Variants in MYH14 observed in about 807,000 individuals in gnomAD.
MYH14 encodes myosin-14.
A neutral mutation model predicts 255.5 loss-of-function variants in MYH14; 123 were observed. The ratio of observed to expected loss-of-function variants is 0.48; its 90% CI spans 0.42 to 0.56. The LOEUF is 0.56. Ranked by LOEUF, MYH14 falls within the 20% of genes least tolerant of loss-of-function variation. MYH14 has a pLI of 0.00. For synonymous variants in MYH14, 1,095 were observed against 1,161.2 expected, an observed-to-expected ratio of 0.94 and a Z score of 1.16; for missense variants, 2,423 against 2,802.3, an observed-to-expected ratio of 0.86 and a Z score of 3.06.
intron 8 of MYH14, among the ~76,000 whole-genome samples, chr19:50,229,205 G>T (rs1289296529): frequency 6.6e-6 from 1 of 152,132 alleles, no homozygotes; most frequent in South Asian, 2.1e-4. Flanking sequence ...AACCAAGCAG[G>T]TTACACCCCA....
chr19:50,260,792 CAT>C (rs2034806737), intron 20 of MYH14, 77 bp downstream of exon 20: 1 of 1,125,824 alleles, frequency 8.9e-7, no homozygotes, highest in Non-Finnish European at 1.3e-6. Context: ...TGTGTGTGTG[CAT>C]GCATATGTGT....
chr19:50,241,399 C>T (rs2033885878), intron 10 of MYH14, among the ~76,000 whole-genome samples: 1 of 152,016 alleles, frequency 6.6e-6, no homozygotes, highest in Non-Finnish European at 1.5e-5. Flanking sequence ...TGTGCCACTG[C>T]ACTCCAGCCT....
At chr19:50,251,461 A>G (rs1299868628) in intron 15 of MYH14, among the ~76,000 whole-genome samples, 1 of 150,064 alleles carries the variant, frequency 6.7e-6, no homozygotes, top group Non-Finnish European at 1.5e-5. Context: ...CTATTCCTAT[A>G]TATATATACA....
At chr19:50,281,948 A>G in intron 33 of MYH14, 106 bp downstream of exon 33, 3 of 1,239,684 alleles carry the variant, frequency 2.4e-6, no homozygotes, top group Non-Finnish European at 3.4e-6. Flanking sequence ...TCAACTAGGC[A>G]GTTGTAGTGG....
intron 27 of MYH14, 80 bp from the exon 28 acceptor site, chr19:50,275,911 T>C (rs1601002507): frequency 8.6e-7 from 1 of 1,161,102 alleles, no homozygotes; most frequent in East Asian, 2.5e-5. Context: ...AAAGCCCACA[T>C]CCAGCCTCTC....
intron 10 of MYH14, among the ~76,000 whole-genome samples, chr19:50,241,109 G>A (rs2033874006): frequency 1.3e-5 from 2 of 152,272 alleles, no homozygotes; most frequent in East Asian, 3.9e-4. Flanking sequence ...CCAGGCGGCT[G>A]AGGGGTTGCA....
chr19:50,284,299 A>C (rs978816640), intron 33 of MYH14, among the ~76,000 whole-genome samples: 1 of 152,026 alleles, frequency 6.6e-6, no homozygotes, highest in Non-Finnish European at 1.5e-5. Context: ...TGTATATAAG[A>C]AATTTTTGCC....
At chr19:50,229,303 G>A (rs575183086) in intron 8 of MYH14, among the ~76,000 whole-genome samples, 32 of 152,234 alleles carry the variant, frequency 2.1e-4, no homozygotes, top group Middle Eastern at 3.4e-3. Flanking sequence ...GTGCATGAGG[G>A]ACACAGAGGG....
intron 1 of MYH14, among the ~76,000 whole-genome samples, chr19:50,206,265 G>A (rs913184234): frequency 6.6e-6 from 1 of 151,964 alleles, no homozygotes; most frequent in Non-Finnish European, 1.5e-5. Context: ...GAGGCTGGGA[G>A]CTCGGACTCC....
Position 50,278,069 on chromosome 19 carries a change from C to G in MYH14, c.3826-14C>G. The stretch of plus-strand genomic sequence containing the variant: ...AGGCCTCATAGATCTTTGCTCATCT[C>G]CTTCCCACACCAGGGCAAAGGTGCA... On this transcript the variant is annotated splice_polypyrimidine_tract_variant and intron_variant, in intron 29 of 42. Coordinates refer to ENST00000642316, the MANE Select transcript of MYH14 (RefSeq NM_001145809.2). 2.6e-6 allele frequency: 4 copies of G among 1,533,916 alleles called. No homozygotes were observed. Among genetic ancestry groups the G allele is most frequent in the South Asian group, 2.5e-5 (2 of 78,842 alleles).
At chr19:50,304,256 TC>T (rs1433999243) in intron 40 of MYH14, among the ~76,000 whole-genome samples, 1 of 152,226 alleles carries the variant, frequency 6.6e-6, no homozygotes, top group Non-Finnish European at 1.5e-5. Context: ...TATATAAGGT[TC>T]CCTTTTGTAT....
At chr19:50,286,817 G>A (rs1003835482) in intron 34 of MYH14, 123 bp downstream of exon 34, 5 of 978,228 alleles carry the variant, frequency 5.1e-6, no homozygotes, top group Non-Finnish European at 7.6e-6. Flanking sequence ...CATGCACAAA[G>A]AGAACAAGAG....
At chr19:50,301,213 T>C (rs1217393652) in intron 39 of MYH14, among the ~76,000 whole-genome samples, 2 of 152,232 alleles carry the variant, frequency 1.3e-5, no homozygotes, top group African/African-American at 4.8e-5. Context: ...ATGCCCGTTA[T>C]AAGTGCAGAT....
At chr19:50,243,091 T>C (rs2033952305) in intron 10 of MYH14, among the ~76,000 whole-genome samples, 1 of 152,128 alleles carries the variant, frequency 6.6e-6, no homozygotes, top group African/African-American at 2.4e-5. Flanking sequence ...TCTGTGCGAA[T>C]GAGTCAGTAG....
rs113993956 is a variant in MYH14, at chr19:50,268,255, G to A, written c.2921G>A (p.Arg974His). 1.1e-4 allele frequency: 172 copies of A among 1,571,088 alleles called. No individual in the cohort carries two copies. The Admixed American group carries it at 2.5e-3, about 23-fold the overall frequency. Residue 974 changes from arginine to histidine, a missense_variant, in exon 24 of 43, where the codon CGC becomes CAC. This residue lies in a region of MYH14 where 1,513 missense variants were observed against 1,674.8 expected (regional missense o/e 0.90). Transcript: ENST00000642316. ...AEETRGRLAA[R>H]KQELELVVSE... ...GAGACGCGGGGGAGGCTGGCAGCCC[G>A]CAAGCAGGAGCTGGAGCTGGTGGTG...
chr19:50,280,169 C>T lies in MYH14; in HGVS notation c.4137+28C>T, dbSNP rs748101837. ...GACCCTGCCTGCCCTTCGGCTCCAC[C>T]GTCACCCTCCCCTCCTTGTCCTCCC... On this transcript the variant is annotated intron_variant, in intron 31 of 42. Coordinates refer to ENST00000642316, the MANE Select transcript of MYH14 (RefSeq NM_001145809.2). This position sits in a 1 kb window ranked among gnomAD's most constrained non-coding sequence, Gnocchi z 4.8. 25 of 1,566,636 alleles carry T rather than the reference C, an allele frequency of 1.6e-5. No individual in the cohort carries two copies. Among genetic ancestry groups the T allele is most frequent in the East Asian group, 1.2e-4 (5 of 41,736 alleles).
At chr19:50,227,278 GA>G (rs1185343049) in intron 8 of MYH14, among the ~76,000 whole-genome samples, 10 of 152,090 alleles carry the variant, frequency 6.6e-5, no homozygotes, top group Non-Finnish European at 1.5e-4. Flanking sequence ...TAAGCAAAGG[GA>G]AAAGGCACGT....
chr19:50,249,482 CCT>C, intron 13 of MYH14, 166 bp from the exon 14 acceptor site: 2 of 767,040 alleles, frequency 2.6e-6, no homozygotes, highest in South Asian at 1.8e-5. Context: ...GGCTCTGTCC[CCT>C]GTCTCTGGGT....
In MYH14 at chr19:50,286,705, C is replaced by T. The variant is rs749475394; in HGVS notation, c.4752+11C>T. The T allele has an allele frequency of 5.1e-6, 8 of 1,558,508 alleles. No homozygotes were observed. The East Asian group carries it at 9.6e-5, about 19-fold the overall frequency. On this transcript the variant is annotated intron_variant, in intron 34 of 42. Coordinates refer to ENST00000642316, the MANE Select transcript of MYH14 (RefSeq NM_001145809.2). The stretch of plus-strand genomic sequence containing the variant: ...GACGTCGGCAAGAGCGTGAGCAGGG[C>T]CCCCGCTCCCCGGGACACACTGGGT...
Sources: allele counts gnomAD v4.1 joint callset (sites outside exome capture counted in the v4.1 genomes callset), GRCh38; gene constraint gnomAD v4.1.1; regional missense constraint gnomAD v4.1.1; non-coding constraint Gnocchi (gnomAD v3.1); transcripts MANE v1.5; gene names NCBI Gene and HGNC (gene_info 2026-07-23, HGNC 2026-07-21).